Variants in NDUFA12 observed in about 807,000 individuals in gnomAD.
The protein encoded by NDUFA12 is NADH:ubiquinone oxidoreductase subunit A12, also known as NADH dehydrogenase [ubiquinone] 1 alpha subcomplex subunit 12.
NDUFA12 carries 17 observed loss-of-function variants against 20.3 expected under a neutral mutation model. The observed-to-expected ratio is 0.84, with a 90% CI of 0.57 to 1.26. The LOEUF is 1.26. Ranked by LOEUF, NDUFA12 falls within the 50% of genes most tolerant of loss-of-function variation. The pLI is 0.00. For missense variants in NDUFA12, 191 were observed against 183.7 expected (o/e 1.04, Z -0.23); for synonymous variants, 72 against 63.6 (o/e 1.13, Z -0.63).
intron 2 of NDUFA12, 191 bp from the exon 3 acceptor site, chr12:94,994,448 C>T (rs1874753148): frequency 3.6e-6 from 2 of 548,866 alleles, no homozygotes; most frequent in African/African-American, 3.8e-5. Flanking sequence ...AAACTTTAAG[C>T]AGCAACCCGC....
intron 3 of NDUFA12, among the ~76,000 whole-genome samples, chr12:94,987,239 C>T (rs996593855): frequency 6.6e-6 from 1 of 152,176 alleles, no homozygotes; most frequent in Non-Finnish European, 1.5e-5. Flanking sequence ...AAACATTCAA[C>T]AAACTCACTG....
intron 2 of NDUFA12, among the ~76,000 whole-genome samples, chr12:95,000,000 A>G (rs1874968079): frequency 1.3e-5 from 2 of 152,374 alleles, no homozygotes; most frequent in South Asian, 4.1e-4. Context: ...AAAAGAAGTC[A>G]TTACATGAAA....
Position 94,981,299 on chromosome 12 carries a change from G to A in NDUFA12, c.258-9679C>T, listed in dbSNP as rs1874230684. Among the ~76,000 whole-genome samples, 5 of 98,912 alleles carry A rather than the reference G, an allele frequency of 5.1e-5. No individual in the cohort carries two copies. The South Asian group carries it at 1.7e-3, about 33-fold the overall frequency. 64.9% of individuals were successfully genotyped at this position (98,912 alleles called of 152,430 possible). On this transcript the variant is annotated intron_variant, in intron 3 of 3. Coordinates refer to ENST00000327772, the MANE Select transcript of NDUFA12 (RefSeq NM_018838.5). Reference sequence around the variant, plus strand: ...ATACATACATACATACATACAAACAGTAGCCGGGCATGGTGGCCCGTGCCT... The same window carrying A: ...ATACATACATACATACATACAAACAATAGCCGGGCATGGTGGCCCGTGCCT...
At chr12:94,988,685 T>C (rs1394451339) in intron 3 of NDUFA12, among the ~76,000 whole-genome samples, 3 of 152,146 alleles carry the variant, frequency 2.0e-5, no homozygotes, top group African/African-American at 4.8e-5. Flanking sequence ...CCCTTGAAGA[T>C]TGAGGGGCAG....
chr12:94,992,718 C>T (rs941013776), intron 3 of NDUFA12, among the ~76,000 whole-genome samples: 1 of 152,162 alleles, frequency 6.6e-6, no homozygotes, highest in Admixed American at 6.5e-5. Flanking sequence ...AACCCACAGG[C>T]CCAACTATAC....
chr12:94,995,156 TA>T (rs1874779600), intron 2 of NDUFA12, among the ~76,000 whole-genome samples: 1 of 152,236 alleles, frequency 6.6e-6, no homozygotes, highest in Non-Finnish European at 1.5e-5. Flanking sequence ...AAGTAAAAGG[TA>T]ATCTGCATTT....
chr12:94,994,054 G>A, intron 3 of NDUFA12, 116 bp downstream of exon 3: 1 of 899,650 alleles, frequency 1.1e-6, no homozygotes, highest in Non-Finnish European at 1.8e-6. Context: ...AGCCTGGGAG[G>A]TCAAAGCTGA....
intron 3 of NDUFA12, among the ~76,000 whole-genome samples, chr12:94,972,094 T>C (rs575398573): frequency 6.6e-5 from 10 of 152,218 alleles, no homozygotes; most frequent in Non-Finnish European, 1.5e-4. Flanking sequence ...CCTGGCTGAC[T>C]TTCAGAAGAT....
In NDUFA12 at chr12:94,973,625, T is replaced by C. The variant is rs566285075; in HGVS notation, c.258-2005A>G. Among the ~76,000 whole-genome samples, 474 of 152,302 alleles carry C rather than the reference T, an allele frequency of 3.1e-3. 2 individuals are homozygous for C. The highest frequency in any genetic ancestry group is 5.6e-3 in the Admixed American group (85 of 15,292). ...GGTTAAAATGATATTTAAGGAACCA[T>C]AGTCCCAAGCTTATGCCTATTCAGT... is the stretch of plus-strand genomic sequence containing the variant. On this transcript the variant is annotated intron_variant, in intron 3 of 3. Transcript: ENST00000327772.
chr12:94,997,053 T>C (rs1874856627), intron 2 of NDUFA12: 1 of 286,308 alleles, frequency 3.5e-6, no homozygotes, highest in South Asian at 3.2e-5. Flanking sequence ...GTATTAAAAA[T>C]ATCATAACTA....
chr12:94,985,065 G>A (rs1215041688), intron 3 of NDUFA12, among the ~76,000 whole-genome samples: 1 of 146,460 alleles, frequency 6.8e-6, no homozygotes, highest in African/African-American at 2.6e-5. Context: ...GCTCATGCCT[G>A]TAATCCCAGC....
intron 3 of NDUFA12, among the ~76,000 whole-genome samples, chr12:94,990,637 C>T (rs1874607688): frequency 6.6e-6 from 1 of 152,098 alleles, no homozygotes; most frequent in Admixed American, 6.6e-5. Context: ...TGTTATGTTG[C>T]CCAGGCTGGT....
chr12:94,981,351 G>A (rs1170969900), intron 3 of NDUFA12, among the ~76,000 whole-genome samples: 3 of 152,198 alleles, frequency 2.0e-5, no homozygotes, highest in Non-Finnish European at 2.9e-5. Context: ...CGGGTGCTGA[G>A]GCAGGAGGAT....
At chr12:94,980,121 A>G (rs924053968) in intron 3 of NDUFA12, among the ~76,000 whole-genome samples, 3 of 152,000 alleles carry the variant, frequency 2.0e-5, no homozygotes, top group Admixed American at 6.6e-5. Context: ...CTTGCTAGCT[A>G]CTTACCTTGT....
At position 95,002,767 on chromosome 12, in the gene NDUFA12, T is replaced by C; in HGVS notation, c.141A>G (p.Lys47=). 1.2e-6 allele frequency: 2 copies of C among 1,614,086 alleles called. No homozygotes were observed. The highest frequency in any genetic ancestry group is 1.7e-6 in the Non-Finnish European group (2 of 1,179,974). ...TLVGEDKYGN[K]YYEDNKQFFG... is the part of the protein sequence containing the mutation. ...AAAATTGCTTGTTGTCTTCATAGTATTTGTTTCCATATTTGTCTTCCCCCA... is the reference window on the plus strand; with the variant it reads ...AAAATTGCTTGTTGTCTTCATAGTACTTGTTTCCATATTTGTCTTCCCCCA... Residue 47 remains lysine, a synonymous_variant, in exon 2 of 4, where the codon AAA becomes AAG. Coordinates refer to ENST00000327772, the MANE Select transcript of NDUFA12 (RefSeq NM_018838.5).
chr12:94,988,362 G>A (rs187974879), intron 3 of NDUFA12, among the ~76,000 whole-genome samples: 307 of 152,324 alleles, frequency 2.0e-3, no homozygotes, highest in African/African-American at 7.0e-3. Context: ...GTATTCAGGA[G>A]TGATGGGGCA....
intron 3 of NDUFA12, among the ~76,000 whole-genome samples, chr12:94,982,630 C>G (rs1171080814): frequency 6.6e-6 from 1 of 152,110 alleles, no homozygotes; most frequent in Admixed American, 6.6e-5. Context: ...ATGAGAGCAT[C>G]ATGAGACAGG....
At chr12:94,973,962 T>C (rs1183725843) in intron 3 of NDUFA12, among the ~76,000 whole-genome samples, 1 of 146,968 alleles carries the variant, frequency 6.8e-6, no homozygotes, top group East Asian at 2.1e-4. Context: ...AAACAGACTC[T>C]TGGGTCTTTT....
rs71075891 is a variant in NDUFA12 at position 94,996,324 on chromosome 12, TAC to T, written c.170-2069_170-2068del. On this transcript the variant is annotated intron_variant, in intron 2 of 3. Coordinates refer to ENST00000327772, the MANE Select transcript of NDUFA12 (RefSeq NM_018838.5). ...ATATATAAATACATACATATATAGG[TAC>T]ACACACACACACACACACACACACA... Among the ~76,000 whole-genome samples, 518 of 141,278 alleles carry T rather than the reference TAC, an allele frequency of 3.7e-3. 3 individuals are homozygous for T. The highest frequency in any genetic ancestry group is 8.8e-3 in the African/African-American group (336 of 38,286). The allele number at this position is 141,278 out of a possible 152,430, so 92.7% of individuals were successfully genotyped here.
Sources: gnomAD v4.1 joint callset for allele counts (sites outside exome capture counted in the v4.1 genomes callset) on GRCh38, gnomAD v4.1.1 for gene constraint, MANE v1.5 for transcripts, NCBI Gene and HGNC (gene_info 2026-07-23, HGNC 2026-07-21) for gene names.